The following FMNL2 variants were observed in gnomAD, a reference collection of about 807,000 sequenced individuals.
The protein encoded by FMNL2 is formin-like protein 2.
Under a neutral mutation model 130.2 loss-of-function variants are expected in FMNL2, and 51 were observed. That is an observed-to-expected ratio of 0.39 (90% confidence interval 0.31 to 0.49). The LOEUF is 0.49. Ranked by LOEUF, FMNL2 falls within the 20% of genes least tolerant of loss-of-function variation. The pLI is 0.85. For missense variants in FMNL2, 977 were observed against 1,316.2 expected (o/e 0.74, Z 3.99); for synonymous variants, 465 against 467.1 (o/e 1.00, Z 0.06).
chr2:152,637,841 T>C (rs1682755037), intron 23 of FMNL2, among the ~76,000 whole-genome samples, 167 bp downstream of exon 23: 1 of 152,204 alleles, frequency 6.6e-6, no homozygotes, highest in Non-Finnish European at 1.5e-5. Context: ...AGGGACATTA[T>C]GGTCCCTTTC....
At chr2:152,468,043 C>T (rs1248576879) in intron 1 of FMNL2, among the ~76,000 whole-genome samples, 1 of 152,254 alleles carries the variant, frequency 6.6e-6, no homozygotes, top group African/African-American at 2.4e-5. Flanking sequence ...TTCTAAATCA[C>T]TGCTCCTAAG....
At chr2:152,401,595 C>T (rs1164219342) in intron 1 of FMNL2, among the ~76,000 whole-genome samples, 1 of 152,190 alleles carries the variant, frequency 6.6e-6, no homozygotes, top group East Asian at 1.9e-4. Context: ...ATGTCAGCGG[C>T]ATTCACAGTT....
chr2:152,410,530 C>T (rs1686221791), intron 1 of FMNL2, among the ~76,000 whole-genome samples: 2 of 152,172 alleles, frequency 1.3e-5, no homozygotes, highest in African/African-American at 4.8e-5. Flanking sequence ...GATTCTCAGA[C>T]CTGGCTGAGC....
chr2:152,578,850 A>G (rs754868900), intron 7 of FMNL2, 38 bp from the exon 8 acceptor site: 7 of 1,562,742 alleles, frequency 4.5e-6, no homozygotes, highest in Non-Finnish European at 8.7e-7. Context: ...TTGTCTCCCA[A>G]TGCTTTGTGT....
At chr2:152,576,776 G>A (rs750872692) in intron 7 of FMNL2, among the ~76,000 whole-genome samples, 3 of 152,194 alleles carry the variant, frequency 2.0e-5, no homozygotes, top group Admixed American at 2.0e-4. Flanking sequence ...GGGGAAGAAG[G>A]TTCTAGGCAG....
At chr2:152,339,451 TATTC>T (rs1446120843) in intron 1 of FMNL2, among the ~76,000 whole-genome samples, 4 of 152,242 alleles carry the variant, frequency 2.6e-5, no homozygotes, top group Admixed American at 1.3e-4. Flanking sequence ...TGCATAATAT[TATTC>T]ACTCATTTTT....
intron 1 of FMNL2, among the ~76,000 whole-genome samples, chr2:152,370,662 G>A (rs1683823421): frequency 6.6e-6 from 1 of 152,140 alleles, no homozygotes; most frequent in South Asian, 2.1e-4. Context: ...TGATCAAGGT[G>A]AGTCCTGTTA....
In FMNL2 at chr2:152,637,596, G is replaced by A. The variant is rs200844809; in HGVS notation, c.2868G>A (p.Lys956=). The A allele has an allele frequency of 1.6e-4, 257 of 1,613,968 alleles. 1 individual carries two copies. Among genetic ancestry groups the A allele is most frequent in the Middle Eastern group, 1.2e-3 (7 of 6,060 alleles). The change falls in exon 23 of 26, where the codon AAG becomes AAA. Residue 956 remains lysine (K), a synonymous_variant. Transcript: ENST00000288670. ...IAQDAFDDVV[K]YFGENPKTTP... ...AGGATGCCTTTGATGATGTTGTGAA[G>A]TATTTTGGAGAAAACCCCAAGACAA...
intron 1 of FMNL2, among the ~76,000 whole-genome samples, chr2:152,503,531 G>T (rs1691977732): frequency 2.0e-5 from 3 of 152,120 alleles, no homozygotes; most frequent in South Asian, 2.1e-4. Context: ...TGTATACACG[G>T]ATGTAGGAGA....
intron 1 of FMNL2, among the ~76,000 whole-genome samples, chr2:152,481,431 G>A (rs904824593): frequency 4.6e-5 from 7 of 152,156 alleles, no homozygotes; most frequent in Admixed American, 3.9e-4. Context: ...AAAAAACAAC[G>A]TTTTGGCCTT....
intron 15 of FMNL2, among the ~76,000 whole-genome samples, chr2:152,620,196 C>T (rs1015170091): frequency 1.3e-5 from 2 of 151,970 alleles, no homozygotes; most frequent in Admixed American, 6.6e-5. Context: ...CGTAGGCTTC[C>T]AGGCATGTCT....
At position 152,619,693 on chromosome 2, in the gene FMNL2, A is replaced by T; in HGVS notation, c.1812A>T (p.Thr604=). ...CGCTGCCTGGAACATCTTCACCCAC[A>T]GTGGTTTTCAACTCAGGATTAGCAG... ...APPLPGTSSP[T]VVFNSGLAAV... Residue 604 remains threonine (T), a synonymous_variant, in exon 15 of 26, where the codon ACA becomes ACT. Transcript: ENST00000288670. 6.2e-7 allele frequency: 1 copy of T among 1,611,934 alleles called. No individual in the cohort carries two copies. The highest frequency in any genetic ancestry group is 8.5e-7 in the Non-Finnish European group (1 of 1,179,462).
At chr2:152,644,123 A>AG (rs1185046599) in intron 25 of FMNL2, among the ~76,000 whole-genome samples, 4 of 152,134 alleles carry the variant, frequency 2.6e-5, no homozygotes, top group African/African-American at 7.2e-5. Context: ...CGGGAGGCTG[A>AG]GGTGGGAGCA....
At chr2:152,563,287 C>A (rs1695636704) in intron 6 of FMNL2, among the ~76,000 whole-genome samples, 1 of 152,194 alleles carries the variant, frequency 6.6e-6, no homozygotes, top group African/African-American at 2.4e-5. Context: ...ACCAATACCA[C>A]ATTCTTCTGT....
intron 1 of FMNL2, among the ~76,000 whole-genome samples, chr2:152,488,371 A>C (rs1690956788): frequency 6.6e-6 from 1 of 152,252 alleles, no homozygotes; most frequent in Admixed American, 6.5e-5. Context: ...CTTTTTAGCT[A>C]CTTAAGCCTA....
In FMNL2 at chr2:152,648,731, A is replaced by G. The variant is rs1195930046; in HGVS notation, c.*826A>G. Reference sequence around the variant, plus strand: ...AAGTTTACTAGCTCTATCAACAAGCATTCAAGGTTACATCTGCTAGCAGAG... The same window carrying G: ...AAGTTTACTAGCTCTATCAACAAGCGTTCAAGGTTACATCTGCTAGCAGAG... On this transcript the variant is annotated 3_prime_UTR_variant, in exon 26 of 26. Transcript: ENST00000288670. 6.6e-6 allele frequency: 1 copy of G among 152,654 alleles called. No homozygotes were observed. Among genetic ancestry groups the G allele is most frequent in the East Asian group, 1.9e-4 (1 of 5,196 alleles). 9.5% of individuals were successfully genotyped at this position (152,654 alleles called of 1,614,324 possible).
At chr2:152,401,048 T>C (rs1161156554) in intron 1 of FMNL2, among the ~76,000 whole-genome samples, 1 of 152,244 alleles carries the variant, frequency 6.6e-6, no homozygotes, top group East Asian at 1.9e-4. Context: ...TTGGGAATTA[T>C]CCTGTGAAAC....
chr2:152,509,672 A>C (rs1049752423), intron 1 of FMNL2, among the ~76,000 whole-genome samples: 1 of 140,890 alleles, frequency 7.1e-6, no homozygotes, highest in Non-Finnish European at 1.5e-5. Context: ...GGTGAGTGGG[A>C]TGGTAGGAGA....
In FMNL2 at chr2:152,625,599, C is replaced by G. The variant is rs191742317; in HGVS notation, c.1962+37C>G. 16 of 1,581,920 alleles carry G rather than the reference C, an allele frequency of 1.0e-5. No homozygotes were observed. In the East Asian group the frequency reaches 3.4e-4, roughly 34 times the overall value. The stretch of plus-strand genomic sequence containing the variant: ...ATTGGTTAGAAACTAGAGGTGCACT[C>G]TGTGCAGCAAAGCCGGCATGGGTGT... On this transcript the variant is annotated intron_variant, in intron 16 of 25. Coordinates refer to ENST00000288670, the MANE Select transcript of FMNL2 (RefSeq NM_052905.4).
Sources: gnomAD v4.1 joint callset for allele counts (sites outside exome capture counted in the v4.1 genomes callset) on GRCh38, gnomAD v4.1.1 for gene constraint, MANE v1.5 for transcripts, NCBI Gene and HGNC (gene_info 2026-07-23, HGNC 2026-07-21) for gene names.